MYPN: variants seen among roughly 807,000 people sequenced by gnomAD.
MYPN encodes the protein myopalladin, also known as sarcomeric protein myopalladin, 145 kDa (MYOP).
Under a neutral mutation model 129.4 loss-of-function variants are expected in MYPN, and 63 were observed. The ratio of observed to expected loss-of-function variants is 0.49; its 90% confidence interval spans 0.40 to 0.60. The LOEUF (loss-of-function observed/expected upper bound fraction) is 0.60. Ranked by LOEUF, MYPN falls within the 20% of genes least tolerant of loss-of-function variation. The probability of loss-of-function intolerance (pLI) is 0.00; values close to 1 mark genes in which losing one functional copy is unlikely to be tolerated. For synonymous variants in MYPN, 629 were observed against 600.9 expected (o/e 1.05, Z -0.68); for missense variants, 1,596 against 1,635.4 (o/e 0.98, Z 0.42).
At chr10:68,112,853 T>C (rs982020726) in intron 1 of MYPN, among the ~76,000 whole-genome samples, 28 of 152,170 alleles carry the variant, frequency 1.8e-4, no homozygotes, top group African/African-American at 6.8e-4. Context: ...GGGATGGATA[T>C]TGTAATAGTG....
At chr10:68,206,993 C>T in intron 19 of MYPN, 90 bp downstream of exon 19, 3 of 1,515,712 alleles carry the variant, frequency 2.0e-6, no homozygotes, top group South Asian at 1.2e-5. Context: ...CAAGGTGGCT[C>T]ATGCCTGTAA....
In MYPN at chr10:68,194,336, G is replaced by A. The variant is rs768631773; in HGVS notation, c.2926-27G>A. 6.2e-6 allele frequency: 10 copies of A among 1,609,740 alleles called. No homozygotes were observed. In the South Asian group the frequency reaches 9.9e-5, roughly 16 times the overall value. ...AACCTCTAAAGATAAACAAAACAGT[G>A]TACATCTTGATAATTTTTCATTTCA... is the stretch of plus-strand genomic sequence containing the variant. On this transcript the variant is annotated intron_variant, in intron 13 of 19. Transcript: ENST00000358913.
In MYPN at chr10:68,166,475, T is replaced by G. The variant is rs2043055929; in HGVS notation, c.1782T>G (p.Ile594Met). The stretch of plus-strand genomic sequence containing the variant: ...ATGAGCCCCGGTCCAGCTCCAGGAT[T>G]GGGCTTCGTGTGCACTTCAACCTGC... ...NHNEPRSSSR[I>M]GLRVHFNLPE... is the part of the protein sequence containing the mutation. Residue 594 changes from isoleucine to methionine, a missense_variant, in exon 10 of 20, where the codon ATT (isoleucine) becomes ATG (methionine). Physicochemically the swap from Ile to Met is conservative, Grantham distance 10 (BLOSUM62 1). Transcript: ENST00000358913. The G allele has an allele frequency of 6.2e-7, 1 of 1,614,018 alleles. No individual in the cohort carries two copies. Among genetic ancestry groups the G allele is most frequent in the African/African-American group, 1.3e-5 (1 of 74,906 alleles).
upstream of MYPN, among the ~76,000 whole-genome samples, chr10:68,103,505 C>A (rs952166363): frequency 6.6e-6 from 1 of 152,182 alleles, no homozygotes; most frequent in Non-Finnish European, 1.5e-5. Flanking sequence ...AAAGTGGTAT[C>A]TTTAACAATC....
chr10:68,136,559 G>A (rs1220280720), intron 2 of MYPN: 4 of 1,446,818 alleles, frequency 2.8e-6, no homozygotes, highest in Non-Finnish European at 3.6e-6. Flanking sequence ...AGTGGGTCAT[G>A]CTGTTAAAGT....
At chr10:68,131,070 T>C (rs2042402550) in intron 2 of MYPN, among the ~76,000 whole-genome samples, 1 of 152,206 alleles carries the variant, frequency 6.6e-6, no homozygotes, top group African/African-American at 2.4e-5. Flanking sequence ...CCTTATAATA[T>C]AAATTTTGGA....
chr10:68,205,101 A>G (rs2043791689), intron 18 of MYPN, among the ~76,000 whole-genome samples: 1 of 152,132 alleles, frequency 6.6e-6, no homozygotes, highest in African/African-American at 2.4e-5. Flanking sequence ...CTTGAGAAAT[A>G]GATTTTTAAA....
chr10:68,104,193 A>G (rs2041996103), upstream of MYPN, among the ~76,000 whole-genome samples: 1 of 152,176 alleles, frequency 6.6e-6, no homozygotes, highest in South Asian at 2.1e-4. Flanking sequence ...CATCATTAAC[A>G]TTAGTGTGAT....
At chr10:68,167,731 A>C (rs1384961415) in intron 10 of MYPN, among the ~76,000 whole-genome samples, 2 of 152,242 alleles carry the variant, frequency 1.3e-5, no homozygotes, top group Non-Finnish European at 2.9e-5. Flanking sequence ...CCACTATATA[A>C]GGCAAAATTC....
chr10:68,121,505 G>A lies in MYPN; in HGVS notation c.67G>A (p.Glu23Lys), dbSNP rs2042240739. ...GCTTCTAAGAGAGAGCTATTTAGCTGAAACCAGACATCGGGGAAACAATGA... is the reference window on the plus strand; with the variant it reads ...GCTTCTAAGAGAGAGCTATTTAGCTAAAACCAGACATCGGGGAAACAATGA... The part of the protein sequence containing the change: ...SQLLRESYLA[E>K]TRHRGNNERS... Residue 23 changes from glutamate (E) to lysine (K), a missense_variant, in exon 2 of 20, where the codon GAA becomes AAA. Transcript: ENST00000358913. 2 of 1,614,190 alleles carry A rather than the reference G, an allele frequency of 1.2e-6. No homozygotes were observed. Among genetic ancestry groups the A allele is most frequent in the Non-Finnish European group, 1.7e-6 (2 of 1,180,024 alleles).
intron 13 of MYPN, 105 bp from the exon 14 acceptor site, chr10:68,194,258 G>C (rs1306374403): frequency 2.2e-5 from 26 of 1,204,366 alleles, no homozygotes; most frequent in Non-Finnish European, 3.1e-5. Flanking sequence ...ATAAAGTATG[G>C]TCACTTAAAA....
intron 7 of MYPN, 26 bp from the exon 8 acceptor site, chr10:68,161,703 G>A (rs756553820): frequency 6.2e-7 from 1 of 1,601,940 alleles, no homozygotes; most frequent in Admixed American, 1.7e-5. Flanking sequence ...TAAATGCTCA[G>A]AATCTTTTAC....
intron 3 of MYPN, among the ~76,000 whole-genome samples, 177 bp downstream of exon 3, chr10:68,143,292 T>C (rs900595727): frequency 2.0e-5 from 3 of 152,070 alleles, no homozygotes; most frequent in Non-Finnish European, 4.4e-5. Flanking sequence ...CATTATATGA[T>C]GGGAAAGACA....
intron 5 of MYPN, among the ~76,000 whole-genome samples, chr10:68,148,799 A>C (rs1293442542): frequency 6.6e-6 from 1 of 152,222 alleles, no homozygotes; most frequent in Non-Finnish European, 1.5e-5. Flanking sequence ...AAACCTGATT[A>C]GTTTCATGGA....
chr10:68,134,606 C>T (rs1042581528), intron 2 of MYPN, among the ~76,000 whole-genome samples: 7 of 152,060 alleles, frequency 4.6e-5, no homozygotes, highest in African/African-American at 1.4e-4. Context: ...ACCATCCTGG[C>T]TAACATGGTG....
At position 68,201,959 on chromosome 10, in the gene MYPN, C is replaced by T. The variant is rs754106892; in HGVS notation, c.3624C>T (p.Asp1208=). The T allele has an allele frequency of 6.2e-7, 1 of 1,614,112 alleles. No homozygotes were observed. ...CACCTGTGTTCTACTGGAAGAAAGA[C>T]AATGAGACCATCCCTTGCACCAGAG... ...MPPPVFYWKK[D]NETIPCTRER... The change falls in exon 18 of 20, where the codon GAC becomes GAT. Residue 1208 remains aspartate, a synonymous_variant. Coordinates refer to ENST00000358913, the MANE Select transcript of MYPN (RefSeq NM_032578.4).
rs1454105180 is a variant in MYPN, at chr10:68,122,039, G to A, written c.601G>A (p.Asp201Asn). 9 of 1,614,188 alleles carry A rather than the reference G, an allele frequency of 5.6e-6. No individual in the cohort carries two copies. Among genetic ancestry groups the A allele is most frequent in the Non-Finnish European group, 6.8e-6 (8 of 1,180,042 alleles). Reference protein sequence around the residue: ...VMQENSSSFSDLSERRERSSV... With the variant: ...VMQENSSSFSNLSERRERSSV... Reference sequence around the variant, plus strand: ...GCAGGAAAACAGCTCCAGTTTCTCAGATCTGTCAGAAAGACGAGAAAGATC... The same window carrying A: ...GCAGGAAAACAGCTCCAGTTTCTCAAATCTGTCAGAAAGACGAGAAAGATC... Residue 201 changes from aspartate to asparagine, a missense_variant, in exon 2 of 20, where the codon GAT (aspartate) becomes AAT (asparagine). Transcript: ENST00000358913.
At position 68,158,569 on chromosome 10, in the gene MYPN, G is replaced by A. The variant is rs779724052; in HGVS notation, c.1401G>A (p.Glu467=). Residue 467 remains glutamate, a synonymous_variant, in exon 7 of 20, where the codon GAG becomes GAA. Transcript: ENST00000358913. ...RVKGAPSPKV[E]WYREGTLIED... The stretch of plus-strand genomic sequence containing the variant: ...AAGGAGCTCCATCTCCTAAGGTTGA[G>A]TGGTATAGAGAAGGGACTTTAATAG... 13 of 1,610,698 alleles carry A rather than the reference G, an allele frequency of 8.1e-6. No individual in the cohort carries two copies. The South Asian group carries it at 1.4e-4, about 18-fold the overall frequency.
upstream of MYPN, among the ~76,000 whole-genome samples, chr10:68,102,215 A>G (rs554532230): frequency 1.6e-3 from 212 of 136,736 alleles, no homozygotes; most frequent in Admixed American, 2.5e-3. Context: ...TGCAGCCTCC[A>G]CCTCCCAGGC....
Sources: allele counts gnomAD v4.1 joint callset (sites outside exome capture counted in the v4.1 genomes callset), GRCh38; gene constraint gnomAD v4.1.1; transcripts MANE v1.5; gene names NCBI Gene and HGNC (gene_info 2026-07-23, HGNC 2026-07-21).